SETX: variants seen among roughly 807,000 people sequenced by gnomAD.
SETX encodes the protein helicase senataxin.
Under a neutral mutation model 227.2 loss-of-function variants are expected in SETX, and 90 were observed. The observed-to-expected ratio is 0.40, with a 90% CI of 0.33 to 0.47. The LOEUF is 0.47. SETX is among the 20% of genes least tolerant of loss of function. The pLI is 0.91. For missense variants in SETX, 3,052 were observed against 3,181.5 expected, an observed-to-expected ratio of 0.96 and a Z score of 0.98; for synonymous variants, 1,210 against 1,113.2, an observed-to-expected ratio of 1.09 and a Z score of -1.73.
At chr9:132,332,101 C>T (rs1389218275) in intron 7 of SETX, among the ~76,000 whole-genome samples, 1 of 152,114 alleles carries the variant, frequency 6.6e-6, no homozygotes. Context: ...AGCAAGATAC[C>T]GCCCTACTCA....
intron 11 of SETX, 41 bp from the exon 12 acceptor site, chr9:132,300,844 A>G (rs1844953552): frequency 6.5e-6 from 10 of 1,531,466 alleles, no homozygotes; most frequent in Non-Finnish European, 8.9e-6. Flanking sequence ...TAACTCTAAT[A>G]GAATTATTTT....
intron 2 of SETX, among the ~76,000 whole-genome samples, chr9:132,351,922 G>A (rs1380291482): frequency 6.6e-6 from 1 of 152,182 alleles, no homozygotes; most frequent in East Asian, 1.9e-4. Flanking sequence ...ACCAAAAAGA[G>A]AGCTAATGTG....
rs1842912451 is a variant in SETX, at chr9:132,271,721, T to C, written c.7188A>G (p.Gln2396=). ...TGACAGTAACTCACCCAATTGAACCTTGGATGCTATTTGCTCTGACACACG... is the reference window on the plus strand; with the variant it reads ...TGACAGTAACTCACCCAATTGAACCCTGGATGCTATTTGCTCTGACACACG... The part of the protein sequence containing the change: ...IVTCVRANSI[Q]GSIGFLASLQ... The change falls in exon 24 of 26, where the codon CAA becomes CAG. Residue 2396 remains glutamine (Q), a synonymous_variant. Transcript: ENST00000224140. 6.2e-7 allele frequency: 1 copy of C among 1,611,686 alleles called. No homozygotes were observed. Among genetic ancestry groups the C allele is most frequent in the Non-Finnish European group, 8.5e-7 (1 of 1,179,692 alleles).
intron 23 of SETX, among the ~76,000 whole-genome samples, chr9:132,273,725 A>G (rs553859494): frequency 3.3e-4 from 50 of 152,290 alleles, no homozygotes; most frequent in African/African-American, 1.2e-3. Context: ...TTCTAGAAAT[A>G]AGATCATGCC....
At position 132,321,467 on chromosome 9, in the gene SETX, C is replaced by T. The variant is rs527596872; in HGVS notation, c.5274+4857G>A. ...GTCAGGAGATCGAGACCATCCTGGC[C>T]AACATGGTGAAACCCCGTCTCTACT... On this transcript the variant is annotated intron_variant, in intron 10 of 25. Transcript: ENST00000224140. 3.4e-3 allele frequency among the ~76,000 whole-genome samples: 513 copies of T among 152,070 alleles called. 5 individuals carry two copies. The highest frequency in any genetic ancestry group is 0.012 in the African/African-American group (496 of 41,488).
chr9:132,304,752 C>G (rs1329400335), intron 11 of SETX, among the ~76,000 whole-genome samples: 3 of 152,024 alleles, frequency 2.0e-5, no homozygotes, highest in Non-Finnish European at 4.4e-5. Context: ...AATTTAGGCA[C>G]TTTGTGGGGC....
At position 132,288,597 on chromosome 9, in the gene SETX, C is replaced by A; in HGVS notation, c.6161G>T (p.Ser2054Ile). 6.2e-7 allele frequency: 1 copy of A among 1,613,916 alleles called. No homozygotes were observed. Among genetic ancestry groups the A allele is most frequent in the Non-Finnish European group, 8.5e-7 (1 of 1,179,884 alleles). Reference sequence around the variant, plus strand: ...GTCCAAACTGAACTTTAGAACCTCACTATTAATAGACTTTTCTGGACCCAG... The same window carrying A: ...GTCCAAACTGAACTTTAGAACCTCAATATTAATAGACTTTTCTGGACCCAG... ...VRLGPEKSIN[S>I]EVLKFSLDSQ... The change falls in exon 16 of 26, where the codon AGT becomes ATT. Residue 2054 changes from serine to isoleucine, a missense_variant. By Grantham distance (142) the Ser-to-Ile change is moderately radical. Around this residue, in one of 10 missense-constraint regions of SETX, gnomAD observed 412 missense variants for 589.0 expected, o/e 0.70. Transcript: ENST00000224140.
chr9:132,316,850 A>G (rs974237298), intron 10 of SETX, among the ~76,000 whole-genome samples: 10 of 152,236 alleles, frequency 6.6e-5, no homozygotes, highest in African/African-American at 2.4e-4. Flanking sequence ...TTCGTAGCAG[A>G]TAAAGCAACT....
At position 132,329,109 on chromosome 9, in the gene SETX, C is replaced by T. The variant is rs761590981; in HGVS notation, c.2489G>A (p.Gly830Glu). 1 of 1,610,226 alleles carries T rather than the reference C, an allele frequency of 6.2e-7. No homozygotes were observed. Among genetic ancestry groups the T allele is most frequent in the Non-Finnish European group, 8.5e-7 (1 of 1,179,430 alleles). Reference protein sequence around the residue: ...IESFYSRKDTGVQKGDGFIHN... With the variant: ...IESFYSRKDTEVQKGDGFIHN... The stretch of plus-strand genomic sequence containing the variant: ...TATGAAACCATCTCCTTTCTGAACT[C>T]CTGTATCTTTCCTTGAATAGAAACT... Residue 830 changes from glycine (G) to glutamate (E), a missense_variant, in exon 10 of 26, where the codon GGA (glycine) becomes GAA (glutamate). Coordinates refer to ENST00000224140, the MANE Select transcript of SETX (RefSeq NM_015046.7).
chr9:132,283,789 T>A (rs897093533), intron 18 of SETX, among the ~76,000 whole-genome samples: 1 of 152,216 alleles, frequency 6.6e-6, no homozygotes, highest in African/African-American at 2.4e-5. Context: ...AGGGGTGGAA[T>A]TCAGCCTGAA....
chr9:132,354,262 G>A (rs1298060287), intron 1 of SETX, among the ~76,000 whole-genome samples: 5 of 152,134 alleles, frequency 3.3e-5, no homozygotes, highest in African/African-American at 1.2e-4. Context: ...GGCCGGGCGC[G>A]GCGGCTCGGA....
At chr9:132,309,303 C>T (rs1406330210) in intron 11 of SETX, among the ~76,000 whole-genome samples, 3 of 151,848 alleles carry the variant, frequency 2.0e-5, no homozygotes, top group South Asian at 2.1e-4. Context: ...GGACTCCAGA[C>T]GCATGACAAA....
At chr9:132,333,263 C>A in intron 7 of SETX, among the ~76,000 whole-genome samples, 1 of 150,926 alleles carries the variant, frequency 6.6e-6, no homozygotes, top group Non-Finnish European at 1.5e-5. Context: ...CCTGTAATCC[C>A]AGCTACTTGG....
intron 6 of SETX, 130 bp downstream of exon 6, chr9:132,336,166 C>T: frequency 1.3e-6 from 1 of 761,580 alleles, no homozygotes; most frequent in Non-Finnish European, 2.3e-6. Flanking sequence ...TTGCTTGAAC[C>T]TGGGAGGTGG....
intron 16 of SETX, 70 bp downstream of exon 16, chr9:132,288,480 T>C (rs1844069596): frequency 2.8e-6 from 4 of 1,450,256 alleles, no homozygotes; most frequent in Non-Finnish European, 3.9e-6. Flanking sequence ...CAAATTACCT[T>C]TAGTGCCCAA....
chr9:132,321,052 G>T (rs1272308703), intron 10 of SETX, among the ~76,000 whole-genome samples: 1 of 152,088 alleles, frequency 6.6e-6, no homozygotes, highest in Non-Finnish European at 1.5e-5. Flanking sequence ...CAAGGATGAG[G>T]ATGAGATAGT....
intron 17 of SETX, among the ~76,000 whole-genome samples, chr9:132,286,731 C>A (rs1203305811): frequency 1.3e-5 from 2 of 152,208 alleles, no homozygotes; most frequent in Non-Finnish European, 2.9e-5. Flanking sequence ...GCACTGGGAG[C>A]ATCACGCCAC....
rs1342725251 is a variant in SETX, at chr9:132,336,240, C to CA, written c.718+55dup. ...CCTGGGCAACAGAGTGAGACTGTCT[C>CA]AAAAAACAGAACTATACGAAAATAC... On this transcript the variant is annotated intron_variant, in intron 6 of 25. Coordinates refer to ENST00000224140, the MANE Select transcript of SETX (RefSeq NM_015046.7). 18 of 1,474,162 alleles carry CA rather than the reference C, an allele frequency of 1.2e-5. No individual in the cohort carries two copies. The African/African-American group carries it at 2.1e-4, about 17-fold the overall frequency. 91.3% of individuals were successfully genotyped at this position (1,474,162 alleles called of 1,614,324 possible). A position where few individuals can be genotyped will look rare whatever the true frequency, so the allele number is the denominator to read the frequency against.
chr9:132,283,717 G>C (rs574825528), intron 18 of SETX, among the ~76,000 whole-genome samples: 1 of 152,356 alleles, frequency 6.6e-6, no homozygotes, highest in East Asian at 1.9e-4. Context: ...TCAGATATAT[G>C]TAGGTAGGTA....
Sources: allele counts gnomAD v4.1 joint callset (sites outside exome capture counted in the v4.1 genomes callset), GRCh38; gene constraint gnomAD v4.1.1; regional missense constraint gnomAD v4.1.1; transcripts MANE v1.5; gene names NCBI Gene and HGNC (gene_info 2026-07-23, HGNC 2026-07-21).